The following LARGE1 variants were observed in gnomAD, a reference collection of about 807,000 sequenced individuals.
LARGE1 encodes xylosyl- and glucuronyltransferase LARGE1.
LARGE1 carries 43 observed loss-of-function variants against 87.6 expected under a neutral mutation model. The ratio of observed to expected loss-of-function variants is 0.49; its 90% CI spans 0.38 to 0.63. The LOEUF (loss-of-function observed/expected upper bound fraction) is 0.63. Ranked by LOEUF, LARGE1 falls within the 30% of genes least tolerant of loss-of-function variation. The probability of loss-of-function intolerance (pLI) is 0.00; values close to 1 mark genes in which losing one functional copy is unlikely to be tolerated. For synonymous variants in LARGE1, 434 were observed against 394.6 expected (o/e 1.10, Z -1.18); for missense variants, 802 against 1,000.2 (o/e 0.80, Z 2.67).
chr22:33,758,170 C>T (rs1406938137), intron 2 of LARGE1, among the ~76,000 whole-genome samples: 4 of 152,186 alleles, frequency 2.6e-5, no homozygotes, highest in African/African-American at 9.7e-5. Flanking sequence ...AGAGCAATCC[C>T]AATCTTTCTT....
chr22:33,807,814 G>C (rs1373066975), intron 1 of LARGE1, among the ~76,000 whole-genome samples: 1 of 152,116 alleles, frequency 6.6e-6, no homozygotes, highest in East Asian at 1.9e-4. Context: ...TTTCTTCCAT[G>C]TCTTTTCATG....
the LARGE1 span, among the ~76,000 whole-genome samples, chr22:33,123,211 G>A: frequency 1.1e-5 from 1 of 88,186 alleles, no homozygotes. Flanking sequence ...TCTTGGTAGA[G>A]GGCCATAAAG....
intron 2 of LARGE1, among the ~76,000 whole-genome samples, chr22:33,691,179 G>A (rs565867561): frequency 6.6e-6 from 1 of 152,094 alleles, no homozygotes; most frequent in South Asian, 2.1e-4. Context: ...CTGGGCAACT[G>A]TTTTCCAAAG....
chr22:33,694,327 T>C (rs1020781133), intron 2 of LARGE1, among the ~76,000 whole-genome samples: 4 of 152,176 alleles, frequency 2.6e-5, no homozygotes, highest in Non-Finnish European at 4.4e-5. Context: ...TTAGGAGAAA[T>C]TCTGTTTGCC....
chr22:33,360,986 G>A (rs1243831232), intron 9 of LARGE1, among the ~76,000 whole-genome samples: 1 of 149,402 alleles, frequency 6.7e-6, no homozygotes, highest in Non-Finnish European at 1.5e-5. Flanking sequence ...GGAGGCCGAG[G>A]CGGGTGGATC....
chr22:33,173,761 T>C lies in LARGE1; in HGVS notation c.1731-6929A>G, dbSNP rs1224234185. On this transcript the variant is annotated intron_variant, in intron 11 of 11. Coordinates refer to the LARGE1 transcript ENST00000608642. ...GACACAGAAGGCCATTACATAATGGTAAAGGGATCAATGCAACAAGAAGAG... is the reference window on the plus strand; with the variant it reads ...GACACAGAAGGCCATTACATAATGGCAAAGGGATCAATGCAACAAGAAGAG... Among the ~76,000 whole-genome samples the C allele has an allele frequency of 9.9e-5, 15 of 151,538 alleles. No homozygotes were observed. In the East Asian group the frequency reaches 2.9e-3, roughly 29 times the overall value.
chr22:33,480,927 C>T (rs1215932385), intron 6 of LARGE1, among the ~76,000 whole-genome samples: 3 of 152,014 alleles, frequency 2.0e-5, no homozygotes, highest in Non-Finnish European at 4.4e-5. Flanking sequence ...CCATGTTATT[C>T]AATTGTATGG....
rs190825416 is a variant in LARGE1, at chr22:33,661,290, A to G, written c.107-10622T>C. On this transcript the variant is annotated intron_variant, in intron 2 of 14. Coordinates refer to ENST00000397394, the MANE Select transcript of LARGE1 (RefSeq NM_133642.5). ...GAGTACAGGGGCTCAGTCTTGGCTC[A>G]CTGCGACCTCCACCTCCCAGGTTCA... 7.2e-4 allele frequency among the ~76,000 whole-genome samples: 107 copies of G among 149,478 alleles called. 2 individuals are homozygous for G. The East Asian group carries it at 0.019, about 27-fold the overall frequency.
At chr22:33,178,332 T>C (rs1922989033) in intron 11 of LARGE1, among the ~76,000 whole-genome samples, 1 of 152,110 alleles carries the variant, frequency 6.6e-6, no homozygotes, top group Non-Finnish European at 1.5e-5. Flanking sequence ...AAGGCCACTT[T>C]GATCTGAACA....
intron 6 of LARGE1, among the ~76,000 whole-genome samples, chr22:33,522,514 C>A (rs2071657595): frequency 6.6e-6 from 1 of 151,976 alleles, no homozygotes; most frequent in African/African-American, 2.4e-5. Context: ...GCCTGGGCAA[C>A]ATAGGGAGAC....
At chr22:33,791,284 T>C (rs1445648651) in intron 1 of LARGE1, among the ~76,000 whole-genome samples, 1 of 152,002 alleles carries the variant, frequency 6.6e-6, no homozygotes, top group Non-Finnish European at 1.5e-5. Flanking sequence ...GCCAAAAAAA[T>C]TAAAAAAGAA....
chr22:33,456,211 G>A (rs577871464), intron 6 of LARGE1, among the ~76,000 whole-genome samples: 92 of 152,262 alleles, frequency 6.0e-4, no homozygotes, highest in Middle Eastern at 6.8e-3. Context: ...AACCCACAAA[G>A]GTTCTTGGTT....
intron 6 of LARGE1, among the ~76,000 whole-genome samples, chr22:33,526,398 T>G (rs531104628): frequency 6.6e-6 from 1 of 152,170 alleles, no homozygotes; most frequent in Non-Finnish European, 1.5e-5. Context: ...TTACGTGGCT[T>G]GAGGGGAGAG....
At chr22:33,104,889 C>CTCTCTCTTTCTT in the LARGE1 span, among the ~76,000 whole-genome samples, 566 of 89,174 alleles carry the variant, frequency 6.3e-3, 8 homozygotes, top group East Asian at 0.046. Context: ...GACTTTCTCT[C>CTCTCTCTTTCTT]TCTTTCTTTC....
chr22:33,596,026 A>G (rs896164754), intron 5 of LARGE1, among the ~76,000 whole-genome samples: 1 of 152,236 alleles, frequency 6.6e-6, no homozygotes, highest in Non-Finnish European at 1.5e-5. Flanking sequence ...CTCTGGAAGT[A>G]TTCAAAAGCA....
intron 1 of LARGE1, among the ~76,000 whole-genome samples, chr22:33,769,167 C>T (rs978759805): frequency 1.3e-5 from 2 of 152,140 alleles, no homozygotes; most frequent in African/African-American, 4.8e-5. Context: ...AAAACATCTA[C>T]GGACTAGGGT....
rs150283131 is a variant in LARGE1 at position 33,626,258 on chromosome 22, G to A, written c.477C>T (p.Ser159=). Residue 159 remains serine, a synonymous_variant, in exon 4 of 15, where the codon TCC becomes TCT. Transcript: ENST00000397394. ...ASRDVVTLVK[S]VLFHRRNPLH... ...GTTGTTCTTACCTATGGAACAGGAC[G>A]GATTTGACCAGGGTGACGACATCCC... The A allele has an allele frequency of 2.2e-5, 35 of 1,613,876 alleles. No homozygotes were observed. The highest frequency in any genetic ancestry group is 1.6e-4 in the Middle Eastern group (1 of 6,084).
chr22:33,910,621 G>A lies in LARGE1; in HGVS notation c.-83+9374C>T, dbSNP rs116764865. 3.5e-3 allele frequency among the ~76,000 whole-genome samples: 540 copies of A among 152,192 alleles called. 8 individuals are homozygous for A. Among genetic ancestry groups the A allele is most frequent in the African/African-American group, 0.012 (513 of 41,500 alleles). ...GAGTAACTCTGCACCTCTGTGTTCC[G>A]CTGTCAAGCCAGGACCTGCACACAG... is the stretch of plus-strand genomic sequence containing the variant. On this transcript the variant is annotated intron_variant, in intron 1 of 14. Coordinates refer to ENST00000397394, the MANE Select transcript of LARGE1 (RefSeq NM_133642.5).
chr22:33,678,757 G>A (rs2081655468), intron 2 of LARGE1, among the ~76,000 whole-genome samples: 1 of 152,194 alleles, frequency 6.6e-6, no homozygotes, highest in African/African-American at 2.4e-5. Context: ...AGCGCACCAT[G>A]GGACAGAACC....
Sources: allele counts gnomAD v4.1 joint callset (sites outside exome capture counted in the v4.1 genomes callset), GRCh38; gene constraint gnomAD v4.1.1; transcripts MANE v1.5; gene names NCBI Gene and HGNC (gene_info 2026-07-23, HGNC 2026-07-21).